Variants in FASTKD1 observed in about 807,000 individuals in gnomAD.
FASTKD1 encodes FAST kinase domains 1.
A neutral mutation model predicts 90.9 loss-of-function variants in FASTKD1; 94 were observed. The observed-to-expected ratio is 1.03, with a 90% CI of 0.88 to 1.23. The LOEUF is 1.23. FASTKD1 is among the 50% of genes most tolerant of loss of function. The pLI is 0.00. For synonymous variants in FASTKD1, 319 were observed against 345.8 expected (o/e 0.92, Z 0.86); for missense variants, 945 against 993.5 (o/e 0.95, Z 0.66).
At chr2:169,559,030 A>C (rs1422049802) in intron 5 of FASTKD1, among the ~76,000 whole-genome samples, 1 of 148,162 alleles carries the variant, frequency 6.7e-6, no homozygotes. Flanking sequence ...GCTGGAGTGT[A>C]ATGGCGCGAT....
intron 5 of FASTKD1, among the ~76,000 whole-genome samples, chr2:169,558,959 T>C (rs1683456584): frequency 6.6e-6 from 1 of 151,532 alleles, no homozygotes; most frequent in South Asian, 2.1e-4. Context: ...TTAAATTTTT[T>C]CATATAATTC....
At chr2:169,541,215 G>C (rs1222048779) in intron 9 of FASTKD1, among the ~76,000 whole-genome samples, 1 of 152,098 alleles carries the variant, frequency 6.6e-6, no homozygotes, top group Non-Finnish European at 1.5e-5. Context: ...TACTTATAAA[G>C]TTCCCTAGGA....
intron 5 of FASTKD1, among the ~76,000 whole-genome samples, chr2:169,559,669 C>T (rs568261965): frequency 1.8e-4 from 28 of 151,948 alleles, no homozygotes; most frequent in African/African-American, 6.5e-4. Context: ...CCACCTGCCT[C>T]GGCCTCCCAA....
In FASTKD1 at chr2:169,555,161, T is replaced by C; in HGVS notation, c.1177A>G (p.Lys393Glu). 1 of 1,612,724 alleles carries C rather than the reference T, an allele frequency of 6.2e-7. No homozygotes were observed. The highest frequency in any genetic ancestry group is 8.5e-7 in the Non-Finnish European group (1 of 1,179,548). ...TCTCTAAGTTTCGCAAAAAACTCCT[T>C]CCTTTGGAAATGCAGAAAAGTTAAT... Reference protein sequence around the residue: ...QELTFLHFQRKEFFAKLRELL... With the variant: ...QELTFLHFQREEFFAKLRELL... The change falls in exon 7 of 15, where the codon AAG becomes GAG. Residue 393 changes from lysine (K) to glutamate (E), a missense_variant. Transcript: ENST00000453153.
Position 169,571,845 on chromosome 2 carries a change from A to C in FASTKD1, c.185T>G (p.Ile62Arg), listed in dbSNP as rs1474275446. ...MFGFIERNKA[I>R]LSEKQVGCAF... ...ACATCCCACTTGCTTTTCTGAAAGTATGGCTTTGTTTCTTTCAATAAAACC... is the reference window on the plus strand; with the variant it reads ...ACATCCCACTTGCTTTTCTGAAAGTCTGGCTTTGTTTCTTTCAATAAAACC... The change falls in exon 2 of 15, where the codon ATA (isoleucine) becomes AGA (arginine). Residue 62 changes from isoleucine to arginine, a missense_variant. Coordinates refer to ENST00000453153, the MANE Select transcript of FASTKD1 (RefSeq NM_024622.6). 6.2e-7 allele frequency: 1 copy of C among 1,614,100 alleles called. No individual in the cohort carries two copies.
chr2:169,563,486 A>T, intron 3 of FASTKD1, 136 bp from the exon 4 acceptor site: 1 of 506,254 alleles, frequency 2.0e-6, no homozygotes, highest in Non-Finnish European at 3.0e-6. Context: ...ATTATTATAA[A>T]AGTAACATGG....
chr2:169,560,598 T>C lies in FASTKD1; in HGVS notation c.760A>G (p.Asn254Asp), dbSNP rs942147202. Reference protein sequence around the residue: ...RYQPLLERCNNVFLSNVDHLD... With the variant: ...RYQPLLERCNDVFLSNVDHLD... ...TGGTCCACATTACTTAAAAATACGT[T>C]ATTACATCTTTCTAATAGTGGTTGA... The change falls in exon 5 of 15, where the codon AAC (asparagine) becomes GAC (aspartate). Residue 254 changes from asparagine (N) to aspartate (D), a missense_variant. Coordinates refer to ENST00000453153, the MANE Select transcript of FASTKD1 (RefSeq NM_024622.6). 10 of 1,609,008 alleles carry C rather than the reference T, an allele frequency of 6.2e-6. No homozygotes were observed. In the East Asian group the frequency reaches 2.0e-4, roughly 32 times the overall value.
At chr2:169,548,593 G>T (rs980167487) in intron 7 of FASTKD1, among the ~76,000 whole-genome samples, 1 of 151,488 alleles carries the variant, frequency 6.6e-6, no homozygotes, top group Non-Finnish European at 1.5e-5. Flanking sequence ...TTAGCCGGGC[G>T]TGGTGGCACA....
chr2:169,532,116 C>T (rs1181961850), intron 12 of FASTKD1, among the ~76,000 whole-genome samples: 1 of 152,134 alleles, frequency 6.6e-6, no homozygotes, highest in African/African-American at 2.4e-5. Flanking sequence ...ACTGATGAGT[C>T]TTAATGTATA....
Position 169,569,209 on chromosome 2 carries a change from T to C in FASTKD1, c.421A>G (p.Thr141Ala). ...AHDPLVEALV[T>A]EAWRRLERFD... ...CTTTCTAGCCTTCTCCATGCTTCTG[T>C]AACTAGTGCTTCAACTAGCGGGTCA... The change falls in exon 3 of 15, where the codon ACA becomes GCA. Residue 141 changes from threonine (T) to alanine (A), a missense_variant. By Grantham distance (58) the Thr-to-Ala change is moderately conservative. Transcript: ENST00000453153. 1.9e-6 allele frequency: 3 copies of C among 1,614,082 alleles called. No individual in the cohort carries two copies. In the Admixed American group the frequency reaches 5.0e-5, roughly 27 times the overall value.
intron 7 of FASTKD1, among the ~76,000 whole-genome samples, chr2:169,554,278 T>TAAAAA (rs58641456): frequency 1.3e-4 from 4 of 29,782 alleles, no homozygotes; most frequent in African/African-American, 6.6e-4. Flanking sequence ...ACCCTGTCTC[T>TAAAAA]AAAAAAAAAA....
At chr2:169,542,229 T>C (rs1428624884) in intron 9 of FASTKD1, among the ~76,000 whole-genome samples, 1 of 152,200 alleles carries the variant, frequency 6.6e-6, no homozygotes, top group Non-Finnish European at 1.5e-5. Context: ...TATCTGTTTT[T>C]ACTCTCTCCT....
chr2:169,559,457 G>T (rs917662710), intron 5 of FASTKD1, among the ~76,000 whole-genome samples: 1 of 151,638 alleles, frequency 6.6e-6, no homozygotes, highest in African/African-American at 2.4e-5. Flanking sequence ...TTGAGACAAG[G>T]TTTCATTCTG....
chr2:169,553,318 G>A (rs1466907254), intron 7 of FASTKD1, among the ~76,000 whole-genome samples: 1 of 138,084 alleles, frequency 7.2e-6, no homozygotes, highest in Non-Finnish European at 1.5e-5. Context: ...ATCATGCCTG[G>A]GCTAGTGTAT....
rs929338795 is a variant in FASTKD1, at chr2:169,530,782, C to G, written c.2328-81G>C. ...TACAAGCTTTTCAGAAACAAGATTGCATCTTTATAAACTAACAAAAGCCAA... is the reference window on the plus strand; with the variant it reads ...TACAAGCTTTTCAGAAACAAGATTGGATCTTTATAAACTAACAAAAGCCAA... On this transcript the variant is annotated intron_variant, in intron 13 of 14. Coordinates refer to ENST00000453153, the MANE Select transcript of FASTKD1 (RefSeq NM_024622.6). The G allele has an allele frequency of 6.6e-6, 5 of 756,412 alleles. No individual in the cohort carries two copies. In the African/African-American group the frequency reaches 8.9e-5, roughly 13 times the overall value. 46.9% of individuals were successfully genotyped at this position (756,412 alleles called of 1,614,324 possible). A position where few individuals can be genotyped will look rare whatever the true frequency, so the allele number is the denominator to read the frequency against.
At chr2:169,569,593 G>A (rs931251696) in intron 2 of FASTKD1, among the ~76,000 whole-genome samples, 3 of 152,194 alleles carry the variant, frequency 2.0e-5, no homozygotes, top group African/African-American at 7.2e-5. Flanking sequence ...GCTCACACCT[G>A]TAATCCCAGC....
rs1158356452 is a variant in FASTKD1 at position 169,540,119 on chromosome 2, AAATAT to A, written c.1872_1876del (p.Glu624AspfsTer11). ...AATTGCCTTTAGCAGATCTTCTGGA[AAATAT>A]TCAAGTGTGGCCAAAGAGAAACCAA... On this transcript the variant is annotated frameshift_variant, in exon 10 of 15. Coordinates refer to ENST00000453153, the MANE Select transcript of FASTKD1 (RefSeq NM_024622.6). LOFTEE classifies it high-confidence loss of function. 1 of 1,610,174 alleles carries A rather than the reference AAATAT, an allele frequency of 6.2e-7. No individual in the cohort carries two copies. The highest frequency in any genetic ancestry group is 8.5e-7 in the Non-Finnish European group (1 of 1,177,874).
chr2:169,544,719 A>C lies in FASTKD1; in HGVS notation c.1816+2T>G, dbSNP rs773730794. 6 of 1,526,944 alleles carry C rather than the reference A, an allele frequency of 3.9e-6. No homozygotes were observed. The South Asian group carries it at 5.6e-5, about 14-fold the overall frequency. 94.6% of individuals were successfully genotyped at this position (1,526,944 alleles called of 1,614,324 possible). ...CAATGTATTACCAAACAATATACCTACCTAAGTAAGAATTAAGATGTTGCA... is the reference window on the plus strand; with the variant it reads ...CAATGTATTACCAAACAATATACCTCCCTAAGTAAGAATTAAGATGTTGCA... On this transcript the variant is annotated splice_donor_variant, in intron 9 of 14. Coordinates refer to ENST00000453153, the MANE Select transcript of FASTKD1 (RefSeq NM_024622.6). LOFTEE classifies it high-confidence loss of function.
At chr2:169,573,149 T>C (rs902364485) in intron 1 of FASTKD1, 2 of 152,180 alleles carry the variant, frequency 1.3e-5, no homozygotes, top group African/African-American at 4.8e-5. Context: ...GCTGTATCAC[T>C]AAATTCATGT....
Sources: allele counts gnomAD v4.1 joint callset (sites outside exome capture counted in the v4.1 genomes callset), GRCh38; gene constraint gnomAD v4.1.1; transcripts MANE v1.5; gene names NCBI Gene and HGNC (gene_info 2026-07-23, HGNC 2026-07-21).